SEMA4D: variants seen among roughly 807,000 people sequenced by gnomAD.
SEMA4D encodes semaphorin-4D.
SEMA4D carries 22 observed loss-of-function variants against 74.8 expected under a neutral mutation model. That is an observed-to-expected ratio of 0.29 (90% CI 0.21 to 0.42). SEMA4D has a LOEUF of 0.42. SEMA4D is among the 10% of genes least tolerant of loss of function. SEMA4D has a pLI of 1.00. For missense variants in SEMA4D, 937 were observed against 1,118.4 expected (o/e 0.84, Z 2.31); for synonymous variants, 445 against 463.7 (o/e 0.96, Z 0.52).
chr9:89,384,275 G>T (rs111766484), intron 13 of SEMA4D, among the ~76,000 whole-genome samples: 47 of 152,318 alleles, frequency 3.1e-4, no homozygotes, highest in African/African-American at 9.1e-4. Context: ...CAAAATGCGG[G>T]ACTCACAAAA....
chr9:89,411,239 A>G (rs1462619770), intron 2 of SEMA4D, among the ~76,000 whole-genome samples: 2 of 152,240 alleles, frequency 1.3e-5, no homozygotes, highest in Non-Finnish European at 2.9e-5. Flanking sequence ...ACAGATACAC[A>G]GATTAGAAAA....
intron 18 of SEMA4D, among the ~76,000 whole-genome samples, chr9:89,363,189 C>G (rs907960845): frequency 1.3e-5 from 2 of 152,208 alleles, no homozygotes; most frequent in African/African-American, 4.8e-5. Context: ...CCCAGTCTCG[C>G]CTCCCTTCAG....
chr9:89,419,912 G>A (rs139402966), intron 2 of SEMA4D, among the ~76,000 whole-genome samples: 207 of 152,102 alleles, frequency 1.4e-3, no homozygotes, highest in Non-Finnish European at 2.3e-3. Context: ...AAAAGACTCC[G>A]TCTCAAAAAA....
At chr9:89,374,717 C>G (rs1284621691), downstream of SEMA4D, among the ~76,000 whole-genome samples, 2 of 152,176 alleles carry the variant, frequency 1.3e-5, no homozygotes, top group African/African-American at 4.8e-5. Context: ...TGTGTGTATG[C>G]CTGCCTAGCT....
chr9:89,364,235 G>A (rs981485089), intron 16 of SEMA4D: 11 of 524,078 alleles, frequency 2.1e-5, no homozygotes, highest in East Asian at 7.7e-5. Context: ...TTCTTGCAGC[G>A]CTGTGCTGGT....
At chr9:89,448,484 G>C (rs1365272154) in intron 2 of SEMA4D, among the ~76,000 whole-genome samples, 1 of 152,218 alleles carries the variant, frequency 6.6e-6, no homozygotes, top group Non-Finnish European at 1.5e-5. Flanking sequence ...GTGGGATAGA[G>C]ACAGGGAGGC....
In SEMA4D at chr9:89,492,057, T is replaced by C. The variant is rs7046129; in HGVS notation, c.-310+5862A>G. Among the ~76,000 whole-genome samples the C allele has an allele frequency of 0.19, 28,960 of 152,108 alleles. 2,946 individuals carry two copies. The highest frequency in any genetic ancestry group is 0.27 in the Admixed American group (4,068 of 15,292). On this transcript the variant is annotated intron_variant, in intron 1 of 15. Coordinates refer to ENST00000422704, the MANE Select transcript of SEMA4D (RefSeq NM_001371194.2). The surrounding 1 kb of genome is among the most constrained non-coding windows in gnomAD (Gnocchi z 4.3). ...GGCCTCCCTCAGCCCTATCTGCCCA[T>C]GACCCCCCTCCACTTCCCCACTGCC...
chr9:89,450,686 A>AAAAAAAC, intron 2 of SEMA4D: 2 of 945,104 alleles, frequency 2.1e-6, no homozygotes, highest in Non-Finnish European at 3.2e-6. Context: ...AAAAAAAAAA[A>AAAAAAAC]AGGCCTCCAA....
intron 2 of SEMA4D, among the ~76,000 whole-genome samples, chr9:89,433,392 G>A (rs943324901): frequency 3.3e-5 from 5 of 152,182 alleles, no homozygotes; most frequent in Non-Finnish European, 5.9e-5. Flanking sequence ...CCTTGATAGT[G>A]GGGAGGGGTC....
At chr9:89,384,571 G>T in intron 13 of SEMA4D, 2 of 804,730 alleles carry the variant, frequency 2.5e-6, no homozygotes, top group Non-Finnish European at 3.0e-6. Flanking sequence ...GGTAATGGCT[G>T]CAAAACAACG....
chr9:89,446,152 G>C (rs1416762201), intron 2 of SEMA4D, among the ~76,000 whole-genome samples: 1 of 152,066 alleles, frequency 6.6e-6, no homozygotes, highest in Non-Finnish European at 1.5e-5. Context: ...CCGAGGCCCA[G>C]CCCAATTGGC....
At chr9:89,476,433 AG>A in intron 1 of SEMA4D, among the ~76,000 whole-genome samples, 3 of 152,158 alleles carry the variant, frequency 2.0e-5, no homozygotes. Flanking sequence ...TTTTTTAATG[AG>A]ATCAACATTT....
intron 4 of SEMA4D, among the ~76,000 whole-genome samples, chr9:89,399,896 G>A (rs1841791858): frequency 6.6e-6 from 1 of 151,482 alleles, no homozygotes; most frequent in Non-Finnish European, 1.5e-5. Context: ...TACTCGAGAG[G>A]CTGAGGCAGG....
chr9:89,385,866 G>GGGGGGGGGGCCCCCCCCCC, intron 13 of SEMA4D: 2 of 196,224 alleles, frequency 1.0e-5, no homozygotes, highest in Non-Finnish European at 1.8e-5. Flanking sequence ...CAGCGTGGAT[G>GGGGGGGGGGCCCCCCCCCC]CCCGCCCACC....
intron 18 of SEMA4D, among the ~76,000 whole-genome samples, chr9:89,363,198 A>G (rs1037726351): frequency 1.3e-5 from 2 of 152,184 alleles, no homozygotes; most frequent in African/African-American, 4.8e-5. Flanking sequence ...GCCTCCCTTC[A>G]GTCTCTTTTA....
At chr9:89,481,540 C>T (rs1329972486) in intron 1 of SEMA4D, among the ~76,000 whole-genome samples, 1 of 152,244 alleles carries the variant, frequency 6.6e-6, no homozygotes, top group Non-Finnish European at 1.5e-5. Context: ...AATATCATTC[C>T]TAACAGCCTC....
At chr9:89,496,622 C>T (rs1374030615) in intron 1 of SEMA4D, among the ~76,000 whole-genome samples, 2 of 152,206 alleles carry the variant, frequency 1.3e-5, no homozygotes, top group African/African-American at 2.4e-5. Context: ...TTCTGGCTGA[C>T]GACTACCAAG....
At chr9:89,392,328 GC>G (rs2133230475) in intron 8 of SEMA4D, 94 bp downstream of exon 8, 3 of 980,820 alleles carry the variant, frequency 3.1e-6, no homozygotes, top group South Asian at 1.5e-5. Context: ...AAGCTCGGGG[GC>G]CCCCAGGGCT....
chr9:89,403,135 C>T, intron 3 of SEMA4D, 119 bp from the exon 4 acceptor site: 1 of 1,219,084 alleles, frequency 8.2e-7, no homozygotes, highest in Non-Finnish European at 1.1e-6. Context: ...TGGGTGCAGT[C>T]ATGTCTCGAG....
Sources: gnomAD v4.1 joint callset for allele counts (sites outside exome capture counted in the v4.1 genomes callset) on GRCh38, gnomAD v4.1.1 for gene constraint, Gnocchi (gnomAD v3.1) non-coding constraint, MANE v1.5 for transcripts, NCBI Gene and HGNC (gene_info 2026-07-23, HGNC 2026-07-21) for gene names.